Variants in CACNA1C observed in about 807,000 individuals in gnomAD.
The protein encoded by CACNA1C is voltage-dependent L-type calcium channel subunit alpha-1C.
In CACNA1C, 30 loss-of-function variants were observed where a neutral mutation model predicts 229.0. That is an observed-to-expected ratio of 0.13 (90% CI 0.10 to 0.18). CACNA1C has a LOEUF of 0.18. Ranked by LOEUF, CACNA1C falls within the 10% of genes least tolerant of loss-of-function variation. CACNA1C has a pLI of 1.00. For synonymous variants in CACNA1C, 1,114 were observed against 1,132.5 expected, an observed-to-expected ratio of 0.98 and a Z score of 0.33; for missense variants, 1,658 against 2,845.0, an observed-to-expected ratio of 0.58 and a Z score of 9.49.
chr12:2,045,712 A>G lies in CACNA1C; in HGVS notation c.140-69512A>G, dbSNP rs76137682. On this transcript the variant is annotated intron_variant, in intron 1 of 46. Transcript: ENST00000682462. The stretch of plus-strand genomic sequence containing the variant: ...TAGCAAATGTTGGACTTGAGATTCA[A>G]GTGAAAATGGGTGAAGAAACATTCC... Among the ~76,000 whole-genome samples the G allele has an allele frequency of 8.7e-3, 1,317 of 152,228 alleles. 18 individuals are homozygous for G. The highest frequency in any genetic ancestry group is 0.03 in the African/African-American group (1,259 of 41,532).
At position 2,285,043 on chromosome 12, in the gene CACNA1C, C is replaced by T. The variant is rs1225635303; in HGVS notation, c.478-163933C>T. Among the ~76,000 whole-genome samples the T allele has an allele frequency of 6.6e-6, 1 of 152,186 alleles. No homozygotes were observed. Among genetic ancestry groups the T allele is most frequent in the Non-Finnish European group, 1.5e-5 (1 of 68,026 alleles). The stretch of plus-strand genomic sequence containing the variant: ...GTTCTGCAGATCCTGGGTTGGCTTC[C>T]AGTGGTGCCTGGCATCTCTCCTGCT... On this transcript the variant is annotated intron_variant, in intron 3 of 46. Coordinates refer to ENST00000399655, the MANE Select transcript of CACNA1C (RefSeq NM_000719.7). This position sits in a 1 kb window ranked among gnomAD's most constrained non-coding sequence, Gnocchi z 4.2.
intron 3 of CACNA1C, among the ~76,000 whole-genome samples, chr12:2,123,621 C>A (rs569328252): frequency 1.3e-5 from 2 of 152,224 alleles, no homozygotes; most frequent in East Asian, 3.9e-4. Context: ...GAAACATAGC[C>A]CAGGTGAATG....
intron 3 of CACNA1C, among the ~76,000 whole-genome samples, chr12:2,304,855 G>C (rs1172161909): frequency 1.3e-5 from 2 of 152,250 alleles, no homozygotes; most frequent in Non-Finnish European, 2.9e-5. Context: ...GTCTCAGGCA[G>C]GGCAGGCAGG....
At chr12:2,548,700 C>T (rs1352503801) in intron 9 of CACNA1C, among the ~76,000 whole-genome samples, 1 of 152,192 alleles carries the variant, frequency 6.6e-6, no homozygotes, top group African/African-American at 2.4e-5. Flanking sequence ...AAATGATTCT[C>T]TTCTCACCAA....
Position 2,566,384 on chromosome 12 carries a change from C to A in CACNA1C, c.1509-38C>A. ...TTGGGTTGGAGGAAACCTGAATTCACAGCCAACCCCACCCTTCTCTCCCTG... is the reference window on the plus strand; with the variant it reads ...TTGGGTTGGAGGAAACCTGAATTCAAAGCCAACCCCACCCTTCTCTCCCTG... On this transcript the variant is annotated intron_variant, in intron 11 of 46. Transcript: ENST00000399655. The surrounding 1 kb of genome is among the most constrained non-coding windows in gnomAD (Gnocchi z 4.0). 6.5e-7 allele frequency: 1 copy of A among 1,533,394 alleles called. No individual in the cohort carries two copies. Among genetic ancestry groups the A allele is most frequent in the Non-Finnish European group, 8.8e-7 (1 of 1,135,812 alleles). The allele number at this position is 1,533,394 out of a possible 1,614,324, so 95.0% of individuals were successfully genotyped here.
rs917301607 is a variant in CACNA1C, at chr12:2,157,449, C to T, written c.477+37019C>T. Among the ~76,000 whole-genome samples, 27 of 152,200 alleles carry T rather than the reference C, an allele frequency of 1.8e-4. 1 individual carries two copies. The highest frequency in any genetic ancestry group is 1.0e-3 in the Admixed American group (16 of 15,286). On this transcript the variant is annotated intron_variant, in intron 3 of 46. Coordinates refer to ENST00000399655, the MANE Select transcript of CACNA1C (RefSeq NM_000719.7). ...CTGGCACAATGGAGGGCAGCACGCC[C>T]GGGGCGAATACAGGGCTGAGACTTC... is the stretch of plus-strand genomic sequence containing the variant.
At chr12:2,117,673 G>GAT (rs1197455854) in intron 2 of CACNA1C, among the ~76,000 whole-genome samples, 11 of 152,266 alleles carry the variant, frequency 7.2e-5, no homozygotes, top group African/African-American at 2.7e-4. Flanking sequence ...GGTACTAGTA[G>GAT]ATACTAGGTG....
intron 30 of CACNA1C, among the ~76,000 whole-genome samples, chr12:2,645,648 G>A (rs1014731385): frequency 5.9e-5 from 9 of 152,114 alleles, no homozygotes; most frequent in African/African-American, 1.2e-4. Context: ...AGTAGACCTC[G>A]GGGGCCTTGG....
At chr12:2,216,892 C>T (rs2060116732) in intron 3 of CACNA1C, among the ~76,000 whole-genome samples, 1 of 152,196 alleles carries the variant, frequency 6.6e-6, no homozygotes, top group Non-Finnish European at 1.5e-5. Flanking sequence ...TTCACAGCGG[C>T]ACATTCTAAA....
intron 3 of CACNA1C, among the ~76,000 whole-genome samples, chr12:2,201,498 C>A (rs1319972455): frequency 6.6e-6 from 1 of 152,206 alleles, no homozygotes; most frequent in Non-Finnish European, 1.5e-5. Context: ...TCTGTGTTCT[C>A]CCAGACTGAA....
At chr12:2,446,199 G>GTGGATGGATGGATGGATGGA (rs1173010543) in intron 3 of CACNA1C, among the ~76,000 whole-genome samples, 2 of 136,908 alleles carry the variant, frequency 1.5e-5, no homozygotes, top group African/African-American at 5.6e-5. Flanking sequence ...AGGTGGGTGG[G>GTGGATGGATGGATGGATGGA]TGGATGGATG....
intron 9 of CACNA1C, among the ~76,000 whole-genome samples, chr12:2,541,119 C>G (rs943412948): frequency 2.9e-4 from 44 of 152,164 alleles, no homozygotes; most frequent in African/African-American, 1.1e-3. Flanking sequence ...ATTCAGCCCA[C>G]CCTCATGACC....
intron 4 of CACNA1C, among the ~76,000 whole-genome samples, chr12:2,451,154 C>T (rs937970648): frequency 5.3e-5 from 8 of 152,172 alleles, no homozygotes; most frequent in Non-Finnish European, 1.2e-4. Flanking sequence ...TCATAGCACT[C>T]GGGGTGTGCA....
At chr12:2,282,809 A>C (rs1157090013) in intron 3 of CACNA1C, among the ~76,000 whole-genome samples, 5 of 152,200 alleles carry the variant, frequency 3.3e-5, no homozygotes, top group Admixed American at 3.3e-4. Flanking sequence ...CAGGATACTT[A>C]AGGACTCTGA....
chr12:2,120,364 T>C lies in CACNA1C; in HGVS notation c.411T>C (p.Asn137=). Residue 137 remains asparagine, a synonymous_variant, in exon 3 of 47, where the codon AAT becomes AAC. Coordinates refer to ENST00000399655, the MANE Select transcript of CACNA1C (RefSeq NM_000719.7). ...TTATTTTACTGACTATTTTTGCCAA[T>C]TGTGTGGCCTTAGCGATCTATATTC... ...EIIILLTIFA[N]CVALAIYIPF... is the part of the protein sequence containing the mutation. The C allele has an allele frequency of 6.2e-7, 1 of 1,611,116 alleles. No individual in the cohort carries two copies. The highest frequency in any genetic ancestry group is 8.5e-7 in the Non-Finnish European group (1 of 1,177,234).
rs190227119 is a variant in CACNA1C, at chr12:2,488,414, G to A, written c.916+2152G>A. 8.4e-4 allele frequency among the ~76,000 whole-genome samples: 128 copies of A among 152,318 alleles called. 1 individual carries two copies. Among genetic ancestry groups the A allele is most frequent in the African/African-American group, 2.9e-3 (121 of 41,576 alleles). On this transcript the variant is annotated intron_variant, in intron 6 of 46. Coordinates refer to ENST00000399655, the MANE Select transcript of CACNA1C (RefSeq NM_000719.7). The surrounding 1 kb of genome is among the most constrained non-coding windows in gnomAD (Gnocchi z 4.0). ...GGCCATAGCCGTAGGGCCCAGTGAA[G>A]AGGTCGCCCCAACGCCCCAAGTACC...
intron 18 of CACNA1C, among the ~76,000 whole-genome samples, chr12:2,588,124 GTT>G (rs1455850872): frequency 1.3e-5 from 2 of 152,216 alleles, no homozygotes; most frequent in African/African-American, 4.8e-5. Context: ...TGCAGCAGAA[GTT>G]CCCAGAGACT....
In CACNA1C at chr12:2,679,541, TCAA is replaced by T. The variant is rs2097020688; in HGVS notation, c.5193_5195del (p.Asn1731del). On this transcript the variant is annotated inframe_deletion, in exon 42 of 47. Coordinates refer to ENST00000399655, the MANE Select transcript of CACNA1C (RefSeq NM_000719.7). This position sits in a 1 kb window ranked among gnomAD's most constrained non-coding sequence, Gnocchi z 5.5. ...TTCACCACTCAGCGCCCGCTGCACA[TCAA>T]CAAGGCGGGCAGCAGCCAGGGCGAC... 1 of 1,612,940 alleles carries T rather than the reference TCAA, an allele frequency of 6.2e-7. No individual in the cohort carries two copies. Among genetic ancestry groups the T allele is most frequent in the Non-Finnish European group, 8.5e-7 (1 of 1,179,518 alleles).
intron 3 of CACNA1C, among the ~76,000 whole-genome samples, chr12:2,327,552 T>A (rs1156263968): frequency 2.0e-5 from 3 of 152,216 alleles, no homozygotes; most frequent in African/African-American, 7.2e-5. Flanking sequence ...CCAGACGACC[T>A]CCACACTCCA....
Sources: allele counts gnomAD v4.1 joint callset (sites outside exome capture counted in the v4.1 genomes callset), GRCh38; gene constraint gnomAD v4.1.1; non-coding constraint Gnocchi (gnomAD v3.1); transcripts MANE v1.5; gene names NCBI Gene and HGNC (gene_info 2026-07-23, HGNC 2026-07-21).